NCKAP5: variants seen among roughly 807,000 people sequenced by gnomAD.
NCKAP5 encodes nck-associated protein 5.
NCKAP5 carries 92 observed loss-of-function variants against 167.0 expected under a neutral mutation model. That is an observed-to-expected ratio of 0.55 (90% CI 0.47 to 0.66). The LOEUF is 0.66. Among genes scored for constraint, NCKAP5 ranks in the 30% least tolerant of loss-of-function variants. The pLI is 0.00. For synonymous variants in NCKAP5, 891 were observed against 877.4 expected (o/e 1.02, Z -0.27); for missense variants, 2,378 against 2,315.0 (o/e 1.03, Z -0.56).
chr2:133,554,769 T>C (rs1687618469), intron 2 of NCKAP5, among the ~76,000 whole-genome samples: 1 of 152,076 alleles, frequency 6.6e-6, no homozygotes, highest in East Asian at 1.9e-4. Flanking sequence ...TCAGGTACCA[T>C]GGGCTGGTGA....
chr2:133,172,201 AG>A (rs2084277481), intron 5 of NCKAP5, among the ~76,000 whole-genome samples: 2 of 152,198 alleles, frequency 1.3e-5, no homozygotes, highest in Admixed American at 6.5e-5. Flanking sequence ...AGCAAACAAA[AG>A]TATATGTTGA....
At chr2:133,527,707 T>C (rs1685038440) in intron 2 of NCKAP5, among the ~76,000 whole-genome samples, 2 of 152,150 alleles carry the variant, frequency 1.3e-5, no homozygotes, top group South Asian at 4.1e-4. Flanking sequence ...TTCTACTCAA[T>C]GATTTAATTA....
chr2:132,960,599 G>C (rs2076482753), intron 8 of NCKAP5, among the ~76,000 whole-genome samples: 1 of 152,180 alleles, frequency 6.6e-6, no homozygotes. Context: ...AAGAGGAATT[G>C]ATTGACGAAT....
chr2:132,988,803 T>C (rs1370185506), intron 7 of NCKAP5, among the ~76,000 whole-genome samples: 2 of 152,226 alleles, frequency 1.3e-5, no homozygotes, highest in Non-Finnish European at 2.9e-5. Flanking sequence ...AAAAGGAATG[T>C]AATCCCCTAG....
intron 3 of NCKAP5, among the ~76,000 whole-genome samples, chr2:133,386,783 T>C (rs540708057): frequency 4.5e-4 from 68 of 152,360 alleles, no homozygotes; most frequent in African/African-American, 1.5e-3. Flanking sequence ...GTTGAATTGA[T>C]CCCTTTACCA....
At chr2:133,225,852 G>A (rs1230597086) in intron 4 of NCKAP5, among the ~76,000 whole-genome samples, 1 of 135,072 alleles carries the variant, frequency 7.4e-6, no homozygotes, top group African/African-American at 2.8e-5. Context: ...GCGCGATCTC[G>A]GCTCACTGCA....
intron 2 of NCKAP5, among the ~76,000 whole-genome samples, chr2:133,550,432 T>G (rs1257284704): frequency 5.9e-5 from 9 of 151,826 alleles, no homozygotes; most frequent in African/African-American, 1.7e-4. Context: ...GGGATGCAAG[T>G]CTGGTTCAAT....
rs929944969 is a variant in NCKAP5 at position 133,403,726 on chromosome 2, T to C, written c.70-100616A>G. ...CCCACTTTGGGCACGTTTCCTGTGATGCTCCAAGTCCCATCTCATTCCACC... is the reference window on the plus strand; with the variant it reads ...CCCACTTTGGGCACGTTTCCTGTGACGCTCCAAGTCCCATCTCATTCCACC... On this transcript the variant is annotated intron_variant, in intron 3 of 19. Coordinates refer to ENST00000409261, the MANE Select transcript of NCKAP5 (RefSeq NM_207363.3). Among the ~76,000 whole-genome samples, 9 of 152,236 alleles carry C rather than the reference T, an allele frequency of 5.9e-5. No homozygotes were observed. The East Asian group carries it at 1.7e-3, about 29-fold the overall frequency.
At chr2:133,165,184 C>T (rs1476673399) in intron 5 of NCKAP5, among the ~76,000 whole-genome samples, 1 of 152,122 alleles carries the variant, frequency 6.6e-6, no homozygotes, top group Non-Finnish European at 1.5e-5. Context: ...AATTATCTGG[C>T]CCAAAATGTC....
At chr2:133,102,116 T>C (rs2081532855) in intron 6 of NCKAP5, among the ~76,000 whole-genome samples, 1 of 151,086 alleles carries the variant, frequency 6.6e-6, no homozygotes, top group African/African-American at 2.4e-5. Context: ...TGTAATACAC[T>C]GATTTTTTCT....
chr2:132,950,434 A>G (rs1405340157), intron 8 of NCKAP5, among the ~76,000 whole-genome samples: 1 of 152,172 alleles, frequency 6.6e-6, no homozygotes, highest in Admixed American at 6.5e-5. Context: ...ATTCCATGTG[A>G]TGATCCATGA....
At chr2:133,639,263 C>A in the NCKAP5 span, among the ~76,000 whole-genome samples, 4 of 152,214 alleles carry the variant, frequency 2.6e-5, no homozygotes, top group South Asian at 8.3e-4. Flanking sequence ...AATGGCAACC[C>A]CAATAAATTT....
the NCKAP5 span, among the ~76,000 whole-genome samples, chr2:133,616,443 G>C: frequency 6.6e-6 from 1 of 151,748 alleles, no homozygotes; most frequent in Non-Finnish European, 1.5e-5. Context: ...GAATCAAATA[G>C]ATGCAATAAA....
At chr2:133,478,916 A>G (rs1016005817) in intron 3 of NCKAP5, among the ~76,000 whole-genome samples, 9 of 152,178 alleles carry the variant, frequency 5.9e-5, no homozygotes, top group African/African-American at 2.2e-4. Context: ...GATCCGCCCA[A>G]TTGTCACCCT....
rs183306762 is a variant in NCKAP5 at position 133,218,782 on chromosome 2, G to A, written c.144-5003C>T. ...TAAATGATAAAAGAGTCCTAATACA[G>A]TGTAAATGTTAGGAACATCACTACT... is the stretch of plus-strand genomic sequence containing the variant. On this transcript the variant is annotated intron_variant, in intron 4 of 19. Transcript: ENST00000409261. Among the ~76,000 whole-genome samples, 172 of 152,280 alleles carry A rather than the reference G, an allele frequency of 1.1e-3. 1 individual carries two copies. Among genetic ancestry groups the A allele is most frequent in the African/African-American group, 3.6e-3 (151 of 41,556 alleles).
the NCKAP5 span, among the ~76,000 whole-genome samples, chr2:133,606,212 AAAT>A: frequency 6.6e-6 from 1 of 152,194 alleles, no homozygotes; most frequent in South Asian, 2.1e-4. Context: ...CTCTATGAAA[AAAT>A]AATACCATGC....
In NCKAP5 at chr2:132,950,481, G is replaced by GT. The variant is rs1216306453; in HGVS notation, c.579+13238dup. Reference sequence around the variant, plus strand: ...CTTTGCAATGAGGCCCCTGGGATCAGTTTTCAGACACTGAGGATGGGGTAA... The same window carrying GT: ...CTTTGCAATGAGGCCCCTGGGATCAGTTTTTCAGACACTGAGGATGGGGTAA... On this transcript the variant is annotated intron_variant, in intron 8 of 19. Coordinates refer to ENST00000409261, the MANE Select transcript of NCKAP5 (RefSeq NM_207363.3). Among the ~76,000 whole-genome samples, 8 of 152,310 alleles carry GT rather than the reference G, an allele frequency of 5.3e-5. No individual in the cohort carries two copies. In the South Asian group the frequency reaches 1.7e-3, roughly 32 times the overall value.
At chr2:132,808,705 GA>G (rs960123374) in intron 11 of NCKAP5, among the ~76,000 whole-genome samples, 31 of 152,026 alleles carry the variant, frequency 2.0e-4, no homozygotes, top group African/African-American at 7.5e-4. Context: ...TCTTTTCAAT[GA>G]ACCAGTTTTT....
intron 4 of NCKAP5, among the ~76,000 whole-genome samples, chr2:133,214,344 A>C (rs1348122662): frequency 6.6e-6 from 1 of 152,180 alleles, no homozygotes; most frequent in African/African-American, 2.4e-5. Context: ...ACTGAGGCCC[A>C]AAAAGGCTAA....
Sources: gnomAD v4.1 joint callset for allele counts (sites outside exome capture counted in the v4.1 genomes callset) on GRCh38, gnomAD v4.1.1 for gene constraint, MANE v1.5 for transcripts, NCBI Gene and HGNC (gene_info 2026-07-23, HGNC 2026-07-21) for gene names.